The following DUSP29 variants were observed in gnomAD, a reference collection of about 807,000 sequenced individuals.
DUSP29 encodes the protein dual specificity phosphatase 29.
Under a neutral mutation model 13.5 loss-of-function variants are expected in DUSP29, and 12 were observed. The observed-to-expected ratio is 0.89, with a 90% CI of 0.57 to 1.44. DUSP29 has a LOEUF of 1.44. Ranked by LOEUF, DUSP29 falls within the 40% of genes most tolerant of loss-of-function variation. The pLI, the probability that DUSP29 is intolerant of heterozygous loss-of-function variation, is 0.00. For missense variants in DUSP29, 308 were observed against 301.1 expected (o/e 1.02, Z -0.17); for synonymous variants, 134 against 128.7 (o/e 1.04, Z -0.28).
At chr10:75,063,762 A>C (rs891889011) in intron 1 of DUSP29, among the ~76,000 whole-genome samples, 2 of 152,150 alleles carry the variant, frequency 1.3e-5, no homozygotes, top group African/African-American at 4.8e-5. Context: ...CTTTTAAAGG[A>C]AACTAAACCA....
At chr10:75,045,537 G>GA (rs988522140) in intron 2 of DUSP29, among the ~76,000 whole-genome samples, 4 of 152,234 alleles carry the variant, frequency 2.6e-5, no homozygotes, top group African/African-American at 9.6e-5. Flanking sequence ...AGGCGGTCAG[G>GA]AAAGGCCACT....
In DUSP29 at chr10:75,051,494, C is replaced by T. The variant is rs904828432; in HGVS notation, c.200+6821G>A. On this transcript the variant is annotated intron_variant, in intron 2 of 3. Coordinates refer to ENST00000338487, the MANE Select transcript of DUSP29 (RefSeq NM_001003892.3). Reference sequence around the variant, plus strand: ...GATGCTTGGCCGCTCCACCTATCTCCACAAAAAGGAGCAAGGAAAAGAGTG... The same window carrying T: ...GATGCTTGGCCGCTCCACCTATCTCTACAAAAAGGAGCAAGGAAAAGAGTG... Among the ~76,000 whole-genome samples the T allele has an allele frequency of 4.9e-4, 74 of 152,210 alleles. 1 individual carries two copies. The highest frequency in any genetic ancestry group is 2.9e-5 in the Non-Finnish European group (2 of 68,040).
chr10:75,049,866 C>T (rs1786397050), intron 2 of DUSP29, among the ~76,000 whole-genome samples: 1 of 144,840 alleles, frequency 6.9e-6, no homozygotes, highest in Non-Finnish European at 1.5e-5. Flanking sequence ...GCAGAAAGGA[C>T]AAGACAGAGG....
At chr10:75,062,541 C>T (rs1019781299) in intron 1 of DUSP29, among the ~76,000 whole-genome samples, 2 of 152,184 alleles carry the variant, frequency 1.3e-5, no homozygotes, top group Non-Finnish European at 2.9e-5. Flanking sequence ...GCTTGGCACG[C>T]AGAGTGAGCC....
At chr10:75,069,426 G>A (rs1371808488) in intron 1 of DUSP29, among the ~76,000 whole-genome samples, 1 of 152,170 alleles carries the variant, frequency 6.6e-6, no homozygotes, top group East Asian at 1.9e-4. Context: ...ACCACAGGCG[G>A]TTTCACAGGA....
chr10:75,042,342 C>T (rs1846603692), intron 3 of DUSP29, among the ~76,000 whole-genome samples: 1 of 152,202 alleles, frequency 6.6e-6, no homozygotes, highest in Non-Finnish European at 1.5e-5. Flanking sequence ...CAAGTGAGTG[C>T]ATTAAACAGA....
At chr10:75,070,850 G>A (rs1184069021) in intron 1 of DUSP29, among the ~76,000 whole-genome samples, 1 of 152,196 alleles carries the variant, frequency 6.6e-6, no homozygotes, top group East Asian at 1.9e-4. Flanking sequence ...TGACCCCCTC[G>A]TTACTGTGGA....
intron 2 of DUSP29, 129 bp downstream of exon 2, chr10:75,058,186 A>G (rs1847004388): frequency 9.0e-7 from 1 of 1,109,668 alleles, no homozygotes; most frequent in South Asian, 1.6e-5. Context: ...AGGCAAGCCC[A>G]GCCCTAACTA....
At chr10:75,038,718 G>T (rs1846522075) in intron 3 of DUSP29, among the ~76,000 whole-genome samples, 3 of 151,146 alleles carry the variant, frequency 2.0e-5, no homozygotes, top group African/African-American at 4.9e-5. Context: ...GATGGAGGGG[G>T]TGGGAGGAGA....
At chr10:75,065,690 A>AT (rs55692734) in intron 1 of DUSP29, among the ~76,000 whole-genome samples, 17,727 of 143,850 alleles carry the variant, frequency 0.12, 1,295 homozygotes, top group South Asian at 0.28. Flanking sequence ...CAATTTAAGG[A>AT]TTTTTTTTTT....
intron 2 of DUSP29, among the ~76,000 whole-genome samples, chr10:75,052,948 A>T (rs1305086993): frequency 1.3e-5 from 2 of 152,204 alleles, no homozygotes; most frequent in African/African-American, 4.8e-5. Context: ...CAAAAATGGC[A>T]TGTGTCACTT....
intron 2 of DUSP29, among the ~76,000 whole-genome samples, chr10:75,047,322 G>T (rs1846726939): frequency 6.6e-6 from 1 of 152,226 alleles, no homozygotes; most frequent in African/African-American, 2.4e-5. Flanking sequence ...CTCTTACACA[G>T]ATGTTGTGGG....
chr10:75,051,533 A>G (rs1454263300), intron 2 of DUSP29, among the ~76,000 whole-genome samples: 1 of 152,142 alleles, frequency 6.6e-6, no homozygotes, highest in Non-Finnish European at 1.5e-5. Flanking sequence ...TTCATCTTAG[A>G]GGTAAGTATG....
intron 2 of DUSP29, among the ~76,000 whole-genome samples, chr10:75,057,850 G>T (rs921719229): frequency 1.3e-5 from 2 of 152,154 alleles, no homozygotes; most frequent in African/African-American, 4.8e-5. Flanking sequence ...CATTTCCCAG[G>T]CTCCCTTGCA....
chr10:75,059,168 C>G (rs539577853), intron 1 of DUSP29, among the ~76,000 whole-genome samples: 1 of 152,196 alleles, frequency 6.6e-6, no homozygotes, highest in African/African-American at 2.4e-5. Context: ...ACACTGGGAG[C>G]CTGGCCATCA....
chr10:75,047,379 G>A (rs1029955283), intron 2 of DUSP29, among the ~76,000 whole-genome samples: 1 of 152,212 alleles, frequency 6.6e-6, no homozygotes, highest in Non-Finnish European at 1.5e-5. Flanking sequence ...GTCCCCAGAT[G>A]GGACAGATGC....
Position 75,043,991 on chromosome 10 carries a change from A to G in DUSP29, c.227T>C (p.Leu76Pro), listed in dbSNP as rs1250831607. The G allele has an allele frequency of 6.2e-7, 1 of 1,612,254 alleles. No homozygotes were observed. Among genetic ancestry groups the G allele is most frequent in the Admixed American group, 1.7e-5 (1 of 60,012 alleles). Reference protein sequence around the residue: ...DEATALDRYRLQKAGFTHVLN... With the variant: ...DEATALDRYRPQKAGFTHVLN... ...CACGTGCGTGAACCCCGCCTTCTGC[A>G]GCCTATAGCGGTCCAGCGCCGTCGC... Residue 76 changes from leucine (L) to proline (P), a missense_variant, in exon 3 of 4, where the codon CTG (leucine) becomes CCG (proline). Leu to Pro is a moderately conservative substitution (Grantham distance 98). Transcript: ENST00000338487.
chr10:75,071,815 C>A (rs1335646623), intron 1 of DUSP29, among the ~76,000 whole-genome samples: 1 of 152,222 alleles, frequency 6.6e-6, no homozygotes, highest in Non-Finnish European at 1.5e-5. Flanking sequence ...GCCCGCCACA[C>A]CCCAATCCTG....
At chr10:75,056,884 A>T (rs1193526030) in intron 2 of DUSP29, among the ~76,000 whole-genome samples, 1 of 152,166 alleles carries the variant, frequency 6.6e-6, no homozygotes, top group Middle Eastern at 3.2e-3. Context: ...AACTTTTTCA[A>T]TTTAAAAAAA....
Sources: allele counts gnomAD v4.1 joint callset (sites outside exome capture counted in the v4.1 genomes callset), GRCh38; gene constraint gnomAD v4.1.1; transcripts MANE v1.5; gene names NCBI Gene and HGNC (gene_info 2026-07-23, HGNC 2026-07-21).